PUM1: variants seen among roughly 807,000 people sequenced by gnomAD.
PUM1 encodes pumilio homolog 1.
PUM1 carries 13 observed loss-of-function variants against 131.8 expected under a neutral mutation model. The ratio of observed to expected loss-of-function variants is 0.10; its 90% CI spans 0.06 to 0.16. The LOEUF (loss-of-function observed/expected upper bound fraction) is 0.16, where lower values mean the gene tolerates loss of function less well. PUM1 is among the 10% of genes least tolerant of loss of function. PUM1 has a pLI of 1.00. For missense variants in PUM1, 961 were observed against 1,512.4 expected (o/e 0.64, Z 6.05); for synonymous variants, 509 against 556.5 (o/e 0.91, Z 1.20).
chr1:31,054,448 T>G (rs1644188209), intron 2 of PUM1, among the ~76,000 whole-genome samples: 1 of 151,518 alleles, frequency 6.6e-6, no homozygotes, highest in Non-Finnish European at 1.5e-5. Flanking sequence ...CATCACAGCC[T>G]GTGATATTCT....
At chr1:31,017,628 C>T (rs1306197429) in intron 3 of PUM1, among the ~76,000 whole-genome samples, 1 of 151,758 alleles carries the variant, frequency 6.6e-6, no homozygotes, top group Non-Finnish European at 1.5e-5. Flanking sequence ...AAAGACTGGA[C>T]AACCCTGATT....
chr1:30,941,297 TA>T (rs760452645), intron 19 of PUM1, 25 bp from the exon 20 acceptor site: 47 of 1,601,262 alleles, frequency 2.9e-5, no homozygotes, highest in Non-Finnish European at 3.8e-5. Flanking sequence ...GTAAGAGAAA[TA>T]AAATGTATGT....
chr1:31,034,251 G>A (rs942861318), intron 2 of PUM1, among the ~76,000 whole-genome samples: 3 of 152,156 alleles, frequency 2.0e-5, no homozygotes, highest in East Asian at 1.9e-4. Flanking sequence ...TACTGGAGCC[G>A]ATTTGACTAG....
At chr1:30,951,914 G>A (rs555309037) in intron 16 of PUM1, among the ~76,000 whole-genome samples, 36 of 152,238 alleles carry the variant, frequency 2.4e-4, no homozygotes, top group Middle Eastern at 3.4e-3. Context: ...TACTTTACAA[G>A]GATTATTTCC....
Position 31,010,343 on chromosome 1 carries a change from G to C in PUM1, c.433-3241C>G, listed in dbSNP as rs148051221. ...GAGTAATCCCCTTCCCCTGACTGTG[G>C]GCTAGACCTATGACATGCCTCTAAG... On this transcript the variant is annotated intron_variant, in intron 3 of 21. Transcript: ENST00000426105. Among the ~76,000 whole-genome samples, 4 of 152,182 alleles carry C rather than the reference G, an allele frequency of 2.6e-5. No individual in the cohort carries two copies. The East Asian group carries it at 7.7e-4, about 29-fold the overall frequency.
intron 3 of PUM1, among the ~76,000 whole-genome samples, chr1:31,019,647 G>A (rs1185651054): frequency 6.6e-6 from 1 of 152,122 alleles, no homozygotes; most frequent in Non-Finnish European, 1.5e-5. Flanking sequence ...TCCCATACAC[G>A]TGCCCTTCTG....
intron 2 of PUM1, among the ~76,000 whole-genome samples, chr1:31,038,974 A>ATTTTTTTTTTTTTTT (rs1557599182): frequency 3.3e-5 from 1 of 30,706 alleles, no homozygotes; most frequent in African/African-American, 2.7e-4. Flanking sequence ...ATATATATAT[A>ATTTTTTTTTTTTTTT]TATATATATA....
chr1:30,958,519 C>CA (rs1269321436), intron 14 of PUM1, among the ~76,000 whole-genome samples: 2 of 151,954 alleles, frequency 1.3e-5, no homozygotes, highest in Non-Finnish European at 1.5e-5. Flanking sequence ...GGGGATTGTG[C>CA]AAAAAACTGT....
chr1:31,050,467 G>A (rs1036423500), intron 2 of PUM1, among the ~76,000 whole-genome samples: 2 of 138,140 alleles, frequency 1.4e-5, no homozygotes, highest in African/African-American at 5.2e-5. Flanking sequence ...GTGAGACTCT[G>A]TCTCAAAAAA....
chr1:30,937,897 G>C (rs142580493), intron 20 of PUM1, among the ~76,000 whole-genome samples: 46 of 151,656 alleles, frequency 3.0e-4, no homozygotes, highest in African/African-American at 1.0e-3. Flanking sequence ...TCAGCCTCCC[G>C]AGCACCTGGG....
At chr1:31,018,582 T>C (rs1318091317) in intron 3 of PUM1, among the ~76,000 whole-genome samples, 4 of 152,084 alleles carry the variant, frequency 2.6e-5, no homozygotes, top group Admixed American at 1.3e-4. Flanking sequence ...TGCTTGAACC[T>C]AGGAGGCGGA....
intron 20 of PUM1, among the ~76,000 whole-genome samples, chr1:30,938,882 GATAGAT>G (rs1477751228): frequency 7.7e-4 from 68 of 88,156 alleles, no homozygotes; most frequent in African/African-American, 2.8e-3. Flanking sequence ...GATAGAGATA[GATAGAT>G]AGATAGATAG....
intron 16 of PUM1, 35 bp from the exon 17 acceptor site, chr1:30,950,296 A>G (rs928706808): frequency 6.3e-7 from 1 of 1,594,412 alleles, no homozygotes; most frequent in Non-Finnish European, 8.6e-7. Flanking sequence ...CCATTACTTA[A>G]GTAGAAGGAA....
chr1:31,060,464 A>AAATC lies in PUM1; in HGVS notation c.-11-891_-11-888dup, dbSNP rs201052671. ...TGACAGAGCGAGACTCTCTCTCAAAAAATCAATCAATCAATCAATCACAAC... is the reference window on the plus strand; with the variant it reads ...TGACAGAGCGAGACTCTCTCTCAAAAAATCAATCAATCAATCAATCAATCACAAC... On this transcript the variant is annotated intron_variant, in intron 1 of 21. Coordinates refer to ENST00000426105, the MANE Select transcript of PUM1 (RefSeq NM_001020658.2). Among the ~76,000 whole-genome samples, 1,230 of 152,076 alleles carry AAATC rather than the reference A, an allele frequency of 8.1e-3. 22 individuals are homozygous for AAATC. Among genetic ancestry groups the AAATC allele is most frequent in the African/African-American group, 0.028 (1,172 of 41,484 alleles).
chr1:30,942,992 G>A (rs1456626048), intron 18 of PUM1, among the ~76,000 whole-genome samples: 1 of 152,174 alleles, frequency 6.6e-6, no homozygotes. Context: ...CTAGCCTTAA[G>A]CAATCCTCCC....
chr1:31,005,204 TAAAAA>T (rs1642356824), intron 5 of PUM1, among the ~76,000 whole-genome samples: 1 of 152,108 alleles, frequency 6.6e-6, no homozygotes, highest in African/African-American at 2.4e-5. Context: ...GCTTAAGACT[TAAAAA>T]GAAAAAGGCT....
chr1:30,951,452 G>C (rs1228248357), intron 16 of PUM1, among the ~76,000 whole-genome samples: 1 of 152,144 alleles, frequency 6.6e-6, no homozygotes, highest in Non-Finnish European at 1.5e-5. Flanking sequence ...AATCAAACAG[G>C]ATGAGATGTT....
At chr1:30,944,692 T>C (rs964332494) in intron 18 of PUM1, among the ~76,000 whole-genome samples, 1 of 152,212 alleles carries the variant, frequency 6.6e-6, no homozygotes, top group South Asian at 2.1e-4. Flanking sequence ...TACCGTAAAT[T>C]ACCTGAATTT....
At chr1:30,937,437 G>A (rs1458676897) in intron 20 of PUM1, among the ~76,000 whole-genome samples, 1 of 151,940 alleles carries the variant, frequency 6.6e-6, no homozygotes, top group African/African-American at 2.4e-5. Context: ...ATCGGGAGGC[G>A]GAGGTTGCAG....
Sources: allele counts gnomAD v4.1 joint callset (sites outside exome capture counted in the v4.1 genomes callset), GRCh38; gene constraint gnomAD v4.1.1; transcripts MANE v1.5; gene names NCBI Gene and HGNC (gene_info 2026-07-23, HGNC 2026-07-21).